Variants in DDX60 observed in about 807,000 individuals in gnomAD.
The protein encoded by DDX60 is probable ATP-dependent RNA helicase DDX60.
DDX60 carries 165 observed loss-of-function variants against 212.8 expected under a neutral mutation model. The observed-to-expected ratio is 0.78, with a 90% CI of 0.68 to 0.88. The LOEUF (loss-of-function observed/expected upper bound fraction) is 0.88, where lower values mean the gene tolerates loss of function less well. Among genes scored for constraint, DDX60 ranks in the 40% least tolerant of loss-of-function variants. The pLI is 0.00. For missense variants in DDX60, 1,905 were observed against 2,003.9 expected, an observed-to-expected ratio of 0.95 and a Z score of 0.94; for synonymous variants, 703 against 685.3, an observed-to-expected ratio of 1.03 and a Z score of -0.40.
chr4:168,270,852 T>C (rs1229104628), intron 19 of DDX60, among the ~76,000 whole-genome samples: 1 of 147,046 alleles, frequency 6.8e-6, no homozygotes, highest in African/African-American at 2.6e-5. Context: ...TTAATAAATA[T>C]TCCCCCTTTT....
At chr4:168,245,168 A>G (rs2149501063) in intron 30 of DDX60, among the ~76,000 whole-genome samples, 1 of 152,334 alleles carries the variant, frequency 6.6e-6, no homozygotes, top group South Asian at 2.1e-4. Flanking sequence ...CTAAAACATC[A>G]ATTTTTAAAG....
At chr4:168,222,081 T>C (rs548920380) in intron 35 of DDX60, among the ~76,000 whole-genome samples, 200 bp from the exon 36 acceptor site, 5 of 152,214 alleles carry the variant, frequency 3.3e-5, no homozygotes, top group Admixed American at 3.3e-4. Context: ...CTCCACCCCA[T>C]GAAGATTATT....
At chr4:168,305,551 T>G (rs1704137844) in intron 5 of DDX60, among the ~76,000 whole-genome samples, 1 of 150,104 alleles carries the variant, frequency 6.7e-6, no homozygotes, top group South Asian at 2.1e-4. Context: ...GTACTAATTT[T>G]ATTAATTTAC....
At chr4:168,236,428 T>C (rs930419824) in intron 32 of DDX60, 55 bp from the exon 33 acceptor site, 1 of 1,455,966 alleles carries the variant, frequency 6.9e-7, no homozygotes, top group Non-Finnish European at 9.3e-7. Context: ...TTCTATTTTT[T>C]CATGTTTAAA....
intron 5 of DDX60, among the ~76,000 whole-genome samples, chr4:168,305,572 C>T (rs982550270): frequency 1.4e-5 from 2 of 147,406 alleles, no homozygotes; most frequent in African/African-American, 2.5e-5. Flanking sequence ...TATATGGTAC[C>T]GTATTGTCTT....
At chr4:168,222,916 A>G (rs1443307082) in intron 35 of DDX60, among the ~76,000 whole-genome samples, 3 of 152,100 alleles carry the variant, frequency 2.0e-5, no homozygotes, top group Admixed American at 2.0e-4. Context: ...TTCACACTAC[A>G]AAATATTATT....
chr4:168,260,792 T>G, intron 25 of DDX60, 73 bp downstream of exon 25: 1 of 1,334,294 alleles, frequency 7.5e-7, no homozygotes, highest in Non-Finnish European at 1.1e-6. Context: ...GGCCTGGAGG[T>G]TGGGGACCTC....
intron 36 of DDX60, among the ~76,000 whole-genome samples, chr4:168,221,143 T>C (rs777149349): frequency 1.3e-5 from 2 of 152,154 alleles, no homozygotes; most frequent in African/African-American, 4.8e-5. Flanking sequence ...CTTCATTCTA[T>C]AAGGACTGCT....
chr4:168,290,126 A>G (rs1342243414), intron 8 of DDX60, among the ~76,000 whole-genome samples: 1 of 152,048 alleles, frequency 6.6e-6, no homozygotes. Flanking sequence ...CTTCAGCTTC[A>G]TCACTTTCCC....
chr4:168,234,517 A>G (rs1733565364), intron 33 of DDX60, among the ~76,000 whole-genome samples: 1 of 151,972 alleles, frequency 6.6e-6, no homozygotes, highest in South Asian at 2.1e-4. Flanking sequence ...AAAATGTCCA[A>G]TTTAGTTTTA....
At chr4:168,305,148 T>C (rs955012561) in intron 5 of DDX60, among the ~76,000 whole-genome samples, 1 of 152,376 alleles carries the variant, frequency 6.6e-6, no homozygotes, top group African/African-American at 2.4e-5. Flanking sequence ...AGGTTTAGCC[T>C]AGGAACAGTA....
At chr4:168,315,006 T>C (rs892715696) in intron 1 of DDX60, among the ~76,000 whole-genome samples, 8 of 152,202 alleles carry the variant, frequency 5.3e-5, no homozygotes, top group Non-Finnish European at 1.2e-4. Context: ...TCAGGCCATA[T>C]GAGAACTGGT....
In DDX60 at chr4:168,236,393, T is replaced by C. The variant is rs1362224578; in HGVS notation, c.4412-20A>G. 6.4e-7 allele frequency: 1 copy of C among 1,570,372 alleles called. No individual in the cohort carries two copies. Among genetic ancestry groups the C allele is most frequent in the Non-Finnish European group, 8.6e-7 (1 of 1,158,308 alleles). On this transcript the variant is annotated intron_variant, in intron 32 of 37. Transcript: ENST00000393743. ...TTGAGCCTATATAAAACAAAGTGTC[T>C]TCTTGTAAATATGAAAGGGTATAAT...
chr4:168,280,084 T>C (rs547536635), intron 14 of DDX60, among the ~76,000 whole-genome samples: 1 of 152,254 alleles, frequency 6.6e-6, no homozygotes, highest in South Asian at 2.1e-4. Context: ...AACTTTATCA[T>C]AGGTATGTAT....
chr4:168,306,649 C>CTGAAGA lies in DDX60; in HGVS notation c.330_335dup (p.His110_Leu111dup), dbSNP rs773595829. On this transcript the variant is annotated inframe_insertion, in exon 5 of 38. Coordinates refer to ENST00000393743, the MANE Select transcript of DDX60 (RefSeq NM_017631.6). Reference sequence around the variant, plus strand: ...TTCGAACATCAATGGTGGTATTCTTCTGAAGATGAAGAATTAAAGCAGTTC... The same window carrying CTGAAGA: ...TTCGAACATCAATGGTGGTATTCTTCTGAAGATGAAGATGAAGAATTAAAGCAGTTC... The CTGAAGA allele has an allele frequency of 1.5e-5, 24 of 1,613,954 alleles. No individual in the cohort carries two copies. The highest frequency in any genetic ancestry group is 2.0e-5 in the Non-Finnish European group (24 of 1,180,000).
At chr4:168,299,157 CAAAAAAA>C (rs1197872492) in intron 6 of DDX60, among the ~76,000 whole-genome samples, 2 of 61,924 alleles carry the variant, frequency 3.2e-5, no homozygotes, top group African/African-American at 6.2e-5. Flanking sequence ...GAGACTGTCT[CAAAAAAA>C]AAAAAAAAAA....
chr4:168,270,972 G>C (rs748417483), intron 19 of DDX60, among the ~76,000 whole-genome samples: 3 of 149,304 alleles, frequency 2.0e-5, no homozygotes, highest in Non-Finnish European at 4.4e-5. Context: ...CCACCTCCTG[G>C]GTTCAAGTGG....
intron 6 of DDX60, among the ~76,000 whole-genome samples, chr4:168,299,157 CAAAAAAAAAAAA>C (rs1197872492): frequency 4.8e-5 from 3 of 61,924 alleles, no homozygotes; most frequent in African/African-American, 1.2e-4. Context: ...GAGACTGTCT[CAAAAAAAAAAAA>C]AAAAAAAAAA....
intron 37 of DDX60, 78 bp from the exon 38 acceptor site, chr4:168,217,110 G>T: frequency 1.2e-6 from 1 of 863,486 alleles, no homozygotes. Flanking sequence ...TGGTTAGGCA[G>T]AAGTAAGGAA....
Sources: gnomAD v4.1 joint callset for allele counts (sites outside exome capture counted in the v4.1 genomes callset) on GRCh38, gnomAD v4.1.1 for gene constraint, MANE v1.5 for transcripts, NCBI Gene and HGNC (gene_info 2026-07-23, HGNC 2026-07-21) for gene names.